TNK1: variants seen among roughly 807,000 people sequenced by gnomAD.
The protein encoded by TNK1 is non-receptor tyrosine-protein kinase TNK1.
In TNK1, 53 loss-of-function variants were observed where a neutral mutation model predicts 65.2. The ratio of observed to expected loss-of-function variants is 0.81; its 90% CI spans 0.65 to 1.02. TNK1 has a LOEUF of 1.02. Among genes scored for constraint, TNK1 ranks in the 50% least tolerant of loss-of-function variants. The pLI is 0.00. For missense variants in TNK1, 837 were observed against 878.4 expected, an observed-to-expected ratio of 0.95 and a Z score of 0.60; for synonymous variants, 353 against 364.6, an observed-to-expected ratio of 0.97 and a Z score of 0.36.
chr17:7,389,000 G>T lies in TNK1; in HGVS notation c.1902G>T (p.Arg634=). 6.4e-7 allele frequency: 1 copy of T among 1,554,542 alleles called. No individual in the cohort carries two copies. The highest frequency in any genetic ancestry group is 1.4e-5 in the African/African-American group (1 of 73,300). Residue 634 remains arginine, a synonymous_variant, in exon 13 of 13, where the codon CGG becomes CGT. Coordinates refer to ENST00000688331, the MANE Select transcript of TNK1 (RefSeq NM_003985.6). This position sits in a 1 kb window ranked among gnomAD's most constrained non-coding sequence, Gnocchi z 4.5. ...ATCAGCTCTTCCACCTGAGTAGCCG[G>T]TCCAGAGCTGACTGCTGGCGCATCC... ...KVDQLFHLSS[R]SRADCWRILE...
upstream of TNK1, chr17:7,380,948 T>C (rs1904771512): frequency 6.6e-6 from 1 of 152,236 alleles, no homozygotes; most frequent in South Asian, 2.1e-4. Flanking sequence ...CCAGTCGCCC[T>C]GGGGACCGTC....
rs988816806 is a variant in TNK1 at position 7,382,548 on chromosome 17, G to A, written c.-91-288G>A. 6.6e-6 allele frequency among the ~76,000 whole-genome samples: 1 copy of A among 152,144 alleles called. No individual in the cohort carries two copies. Among genetic ancestry groups the A allele is most frequent in the East Asian group, 1.9e-4 (1 of 5,194 alleles). On this transcript the variant is annotated intron_variant, in intron 1 of 12. Coordinates refer to ENST00000688331, the MANE Select transcript of TNK1 (RefSeq NM_003985.6). The surrounding 1 kb of genome is among the most constrained non-coding windows in gnomAD (Gnocchi z 4.1). ...TGTATGAGTGAGTTTGTGCCACTGCGTAGCTCAGGTCTAAAAGGGCAGTGT... is the reference window on the plus strand; with the variant it reads ...TGTATGAGTGAGTTTGTGCCACTGCATAGCTCAGGTCTAAAAGGGCAGTGT...
At chr17:7,386,494 C>T (rs566677537) in intron 7 of TNK1, 67 bp from the exon 8 acceptor site, 1 of 1,270,322 alleles carries the variant, frequency 7.9e-7, no homozygotes, top group Non-Finnish European at 1.1e-6. Context: ...CCTCTTTATT[C>T]CTGCTCCCAT....
intron 7 of TNK1, among the ~76,000 whole-genome samples, chr17:7,385,738 T>C (rs992688363): frequency 5.3e-5 from 8 of 152,096 alleles, no homozygotes; most frequent in African/African-American, 1.9e-4. Context: ...CTAATTTTTG[T>C]ATTTTTAGTA....
intron 8 of TNK1, 124 bp from the exon 9 acceptor site, chr17:7,386,866 G>C: frequency 7.5e-7 from 1 of 1,337,814 alleles, no homozygotes; most frequent in Non-Finnish European, 1.0e-6. Flanking sequence ...TAGGGAAAAG[G>C]CTTCCCTTCC....
Position 7,388,817 on chromosome 17 carries a change from C to T in TNK1, c.1806C>T (p.His602=). The part of the protein sequence containing the change: ...EVELSVHGVT[H]QECQTALGAT... ...AGCTGAGTGTGCATGGGGTCACCCA[C>T]CAGGAGTGCCAGACAGCACTAGGAG... Residue 602 remains histidine (H), a synonymous_variant, in exon 12 of 13, where the codon CAC becomes CAT. Coordinates refer to ENST00000688331, the MANE Select transcript of TNK1 (RefSeq NM_003985.6). The surrounding 1 kb of genome is among the most constrained non-coding windows in gnomAD (Gnocchi z 4.5). 1 of 1,607,942 alleles carries T rather than the reference C, an allele frequency of 6.2e-7. No individual in the cohort carries two copies. The highest frequency in any genetic ancestry group is 8.5e-7 in the Non-Finnish European group (1 of 1,177,138).
In TNK1 at chr17:7,382,006, G is replaced by A. The variant is rs1252545945; in HGVS notation, c.-91-830G>A. The stretch of plus-strand genomic sequence containing the variant: ...ATATCGGCCGGGCGCAGTGGCTCAC[G>A]CCTGTAATCCCAGCACTTTGGGTGG... On this transcript the variant is annotated intron_variant, in intron 1 of 12. Transcript: ENST00000688331. This position sits in a 1 kb window ranked among gnomAD's most constrained non-coding sequence, Gnocchi z 4.1. 1.3e-5 allele frequency among the ~76,000 whole-genome samples: 2 copies of A among 152,346 alleles called. No individual in the cohort carries two copies. The highest frequency in any genetic ancestry group is 1.9e-4 in the East Asian group (1 of 5,184).
intron 9 of TNK1, 64 bp from the exon 10 acceptor site, chr17:7,387,314 G>T: frequency 6.5e-7 from 1 of 1,545,868 alleles, no homozygotes; most frequent in South Asian, 1.2e-5. Context: ...TTTTTGGGAG[G>T]GTATATTGAT....
At chr17:7,385,700 G>T (rs1481088321) in intron 7 of TNK1, among the ~76,000 whole-genome samples, 1 of 152,112 alleles carries the variant, frequency 6.6e-6, no homozygotes, top group East Asian at 1.9e-4. Flanking sequence ...GAGTAGCTGG[G>T]ATTACAGGCG....
At position 7,384,248 on chromosome 17, in the gene TNK1, C is replaced by T. The variant is rs756916099; in HGVS notation, c.861C>T (p.Tyr287=). The T allele has an allele frequency of 2.1e-5, 31 of 1,470,500 alleles. No homozygotes were observed. The highest frequency in any genetic ancestry group is 2.6e-5 in the Admixed American group (1 of 38,978). The allele number at this position is 1,470,500 out of a possible 1,614,324, so 91.1% of individuals were successfully genotyped here. The change falls in exon 6 of 13, where the codon TAC becomes TAT. Residue 287 remains tyrosine, a synonymous_variant. Coordinates refer to ENST00000688331, the MANE Select transcript of TNK1 (RefSeq NM_003985.6). ...YVMGGPRPIP[Y]AWCAPESLRH... is the part of the protein sequence containing the mutation. ...TGGGCGGGCCCCGCCCTATCCCCTA[C>T]GCCTGGTGAGAGCGGGTCCGCGGGC...
In TNK1 at chr17:7,383,840, T is replaced by C; in HGVS notation, c.558T>C (p.Leu186=). ...CACACGTGCTGCGTCTGCACGGCCT[T>C]GTACTGGGCCAGCCTCTGCAGATGG... ...EHPHVLRLHG[L]VLGQPLQMVM... Residue 186 remains leucine, a synonymous_variant, in exon 5 of 13, where the codon CTT becomes CTC. Coordinates refer to ENST00000688331, the MANE Select transcript of TNK1 (RefSeq NM_003985.6). The C allele has an allele frequency of 6.2e-7, 1 of 1,611,354 alleles. No individual in the cohort carries two copies. The highest frequency in any genetic ancestry group is 8.5e-7 in the Non-Finnish European group (1 of 1,178,990).
At chr17:7,385,843 G>T (rs1905156812) in intron 7 of TNK1, among the ~76,000 whole-genome samples, 1 of 152,170 alleles carries the variant, frequency 6.6e-6, no homozygotes, top group Admixed American at 6.5e-5. Context: ...GGGATTACAG[G>T]CATGAGCCAC....
rs186613599 is a variant in TNK1, at chr17:7,387,509, A to G, written c.1477+52A>G. 175 of 1,460,310 alleles carry G rather than the reference A, an allele frequency of 1.2e-4. 2 individuals carry two copies. In the Admixed American group the frequency reaches 2.8e-3, roughly 24 times the overall value. 90.5% of individuals were successfully genotyped at this position (1,460,310 alleles called of 1,614,324 possible). ...TGAGGAGATCAAGACCAGTCCTTCA[A>G]TTCCGACCCCCTGCCCTAAATCCAT... is the stretch of plus-strand genomic sequence containing the variant. On this transcript the variant is annotated intron_variant, in intron 10 of 12. Coordinates refer to ENST00000688331, the MANE Select transcript of TNK1 (RefSeq NM_003985.6).
Position 7,383,236 on chromosome 17 carries a change from C to G in TNK1, c.164-14C>G. The stretch of plus-strand genomic sequence containing the variant: ...ACCCACCTCCACTCCAGCCCTGATT[C>G]TGGCCTCCCACAGCCCAGCGCAGAC... On this transcript the variant is annotated splice_polypyrimidine_tract_variant and intron_variant, in intron 2 of 12. Coordinates refer to ENST00000688331, the MANE Select transcript of TNK1 (RefSeq NM_003985.6). 1 of 1,614,000 alleles carries G rather than the reference C, an allele frequency of 6.2e-7. No homozygotes were observed. The highest frequency in any genetic ancestry group is 8.5e-7 in the Non-Finnish European group (1 of 1,179,892).
Position 7,384,113 on chromosome 17 carries a change from G to A in TNK1, c.726G>A (p.Val242=). The stretch of plus-strand genomic sequence containing the variant: ...CGTACCTGGGGGCCCGCGGGCTGGT[G>A]CACCGAGACCTCGCTACGCGCAACC... The part of the protein sequence containing the change: ...AMAYLGARGL[V]HRDLATRNLL... Residue 242 remains valine (V), a synonymous_variant, in exon 6 of 13, where the codon GTG becomes GTA. Transcript: ENST00000688331. 1 of 1,548,184 alleles carries A rather than the reference G, an allele frequency of 6.5e-7. No individual in the cohort carries two copies. The highest frequency in any genetic ancestry group is 8.7e-7 in the Non-Finnish European group (1 of 1,154,734).
rs142673123 is a variant in TNK1, at chr17:7,385,802, T to A, written c.1138-759T>A. Among the ~76,000 whole-genome samples, 1,239 of 152,294 alleles carry A rather than the reference T, an allele frequency of 8.1e-3. 12 individuals carry two copies. The highest frequency in any genetic ancestry group is 0.029 in the African/African-American group (1,186 of 41,560). ...CTGGTTTCGAACTCCTGACCTCAAA[T>A]GATCCACCTGCCTTGGCCTCCCAAA... On this transcript the variant is annotated intron_variant, in intron 7 of 12. Coordinates refer to ENST00000688331, the MANE Select transcript of TNK1 (RefSeq NM_003985.6).
Position 7,383,782 on chromosome 17 carries a change from G to A in TNK1, c.500G>A (p.Arg167Gln). 5 of 1,613,080 alleles carry A rather than the reference G, an allele frequency of 3.1e-6. No individual in the cohort carries two copies. Among genetic ancestry groups the A allele is most frequent in the Non-Finnish European group, 4.2e-6 (5 of 1,179,538 alleles). ...GGCACAGAACTGGGGGACTTCCTGC[G>A]AGAGGTATCGGTCATGATGAACTTG... ...PMGTELGDFL[R>Q]EVSVMMNLEH... The change falls in exon 5 of 13, where the codon CGA (arginine) becomes CAA (glutamine). Residue 167 changes from arginine (R) to glutamine (Q), a missense_variant. By Grantham distance (43) the Arg-to-Gln change is conservative (BLOSUM62 1). Coordinates refer to ENST00000688331, the MANE Select transcript of TNK1 (RefSeq NM_003985.6).
rs890025400 is a variant in TNK1, at chr17:7,388,667, T to C, written c.1739T>C (p.Leu580Pro). 6.2e-7 allele frequency: 1 copy of C among 1,613,622 alleles called. No homozygotes were observed. Among genetic ancestry groups the C allele is most frequent in the Non-Finnish European group, 8.5e-7 (1 of 1,179,788 alleles). The change falls in exon 11 of 13, where the codon CTC becomes CCC. Residue 580 changes from leucine to proline, a missense_variant. By Grantham distance (98) the Leu-to-Pro change is moderately conservative. Transcript: ENST00000688331. This position sits in a 1 kb window ranked among gnomAD's most constrained non-coding sequence, Gnocchi z 4.5. ...ARKAAALSGG[L>P]LSDPELQRKI... Reference sequence around the variant, plus strand: ...AAAGCCGCTGCCCTCTCTGGAGGCCTCTTGTCCGATCCTGAGTTGCAGAGG... The same window carrying C: ...AAAGCCGCTGCCCTCTCTGGAGGCCCCTTGTCCGATCCTGAGTTGCAGAGG...
Position 7,387,168 on chromosome 17 carries a change from A to C in TNK1, c.1397+14A>C. 6.4e-7 allele frequency: 1 copy of C among 1,566,208 alleles called. No individual in the cohort carries two copies. Among genetic ancestry groups the C allele is most frequent in the Non-Finnish European group, 8.7e-7 (1 of 1,153,992 alleles). On this transcript the variant is annotated intron_variant, in intron 9 of 12. Transcript: ENST00000688331. ...AAGCATAGATGGGTGAGGACCTGAA[A>C]GGGTGAGGGCAGGGGTTGGCTGGGA...
Sources: allele counts gnomAD v4.1 joint callset (sites outside exome capture counted in the v4.1 genomes callset), GRCh38; gene constraint gnomAD v4.1.1; non-coding constraint Gnocchi (gnomAD v3.1); transcripts MANE v1.5; gene names NCBI Gene and HGNC (gene_info 2026-07-23, HGNC 2026-07-21).